The following FGF12 variants were observed in gnomAD, a reference collection of about 807,000 sequenced individuals.
The protein encoded by FGF12 is fibroblast growth factor 12B.
A neutral mutation model predicts 23.6 loss-of-function variants in FGF12; 14 were observed. The ratio of observed to expected loss-of-function variants is 0.59; its 90% confidence interval spans 0.39 to 0.93. The LOEUF (loss-of-function observed/expected upper bound fraction) is 0.93. Among genes scored for constraint, FGF12 ranks in the 40% least tolerant of loss-of-function variants. FGF12 has a pLI of 0.00. For synonymous variants in FGF12, 62 were observed against 77.3 expected, an observed-to-expected ratio of 0.80 and a Z score of 1.04; for missense variants, 175 against 217.8, an observed-to-expected ratio of 0.80 and a Z score of 1.24.
intron 4 of FGF12, among the ~76,000 whole-genome samples, chr3:192,234,477 T>C (rs1433205494): frequency 6.6e-6 from 1 of 152,238 alleles, no homozygotes; most frequent in Non-Finnish European, 1.5e-5. Flanking sequence ...TCATATCATC[T>C]GCAAAGGGAG....
chr3:192,402,352 A>G (rs1007615590), intron 2 of FGF12, among the ~76,000 whole-genome samples: 1 of 152,238 alleles, frequency 6.6e-6, no homozygotes, highest in African/African-American at 2.4e-5. Flanking sequence ...AGCCCAGCAC[A>G]TAACAACATA....
chr3:192,455,296 C>T (rs777274840), intron 2 of FGF12, among the ~76,000 whole-genome samples: 6 of 152,132 alleles, frequency 3.9e-5, no homozygotes, highest in Non-Finnish European at 7.3e-5. Flanking sequence ...TCTGATGACT[C>T]TGTCACTCTA....
chr3:192,669,993 C>A (rs1717050886), intron 2 of FGF12, among the ~76,000 whole-genome samples: 1 of 152,166 alleles, frequency 6.6e-6, no homozygotes, highest in South Asian at 2.1e-4. Flanking sequence ...CTTTAAGAAA[C>A]AATCACTGGC....
intron 2 of FGF12, among the ~76,000 whole-genome samples, chr3:192,604,311 T>C (rs1055527024): frequency 1.3e-5 from 2 of 152,168 alleles, no homozygotes; most frequent in Non-Finnish European, 2.9e-5. Context: ...GTGACGTACA[T>C]CCTCAGCTTA....
chr3:192,162,949 CAAAAT>C (rs1188262173), intron 5 of FGF12, among the ~76,000 whole-genome samples: 8 of 151,890 alleles, frequency 5.3e-5, no homozygotes, highest in African/African-American at 1.9e-4. Context: ...TTTTCTAAGA[CAAAAT>C]GAAAAAGGCA....
At chr3:192,484,739 C>A (rs1723581827) in intron 2 of FGF12, among the ~76,000 whole-genome samples, 1 of 152,166 alleles carries the variant, frequency 6.6e-6, no homozygotes, top group South Asian at 2.1e-4. Flanking sequence ...GCCCAAAGGG[C>A]ACTATTTCCA....
At chr3:192,711,258 C>T (rs1045554375) in intron 2 of FGF12, among the ~76,000 whole-genome samples, 4 of 133,832 alleles carry the variant, frequency 3.0e-5, no homozygotes, top group African/African-American at 6.8e-5. Context: ...AGCCCCTGCC[C>T]GGCCAGCCGC....
intron 4 of FGF12, among the ~76,000 whole-genome samples, chr3:192,213,137 C>T (rs143652197): frequency 3.3e-5 from 5 of 152,348 alleles, no homozygotes; most frequent in South Asian, 2.1e-4. Context: ...GGCAAGAAAA[C>T]GCTGTGTGCT....
At chr3:192,707,744 C>A (rs1321116646) in intron 2 of FGF12, among the ~76,000 whole-genome samples, 357 of 84,496 alleles carry the variant, frequency 4.2e-3, no homozygotes, top group Admixed American at 6.8e-3. Flanking sequence ...GACTCCTTCT[C>A]AAAAAAAAAA....
chr3:192,653,207 A>G (rs538437398), intron 2 of FGF12, among the ~76,000 whole-genome samples: 1 of 152,308 alleles, frequency 6.6e-6, no homozygotes, highest in East Asian at 1.9e-4. Flanking sequence ...ACTGGTTGTA[A>G]TTCAGTTTGA....
At position 192,622,909 on chromosome 3, in the gene FGF12, G is replaced by C. The variant is rs565480211; in HGVS notation, c.13+104272C>G. 3.3e-5 allele frequency among the ~76,000 whole-genome samples: 5 copies of C among 152,222 alleles called. No individual in the cohort carries two copies. In the South Asian group the frequency reaches 1.0e-3, roughly 32 times the overall value. ...TGGCGTCTTCTCTCCTAGATCCAGG[G>C]ACCACAGAACAATCTTTCTGGATTA... is the stretch of plus-strand genomic sequence containing the variant. On this transcript the variant is annotated intron_variant, in intron 2 of 5. Coordinates refer to ENST00000445105, the MANE Select transcript of FGF12 (RefSeq NM_004113.6).
In FGF12 at chr3:192,727,243, T is replaced by C; in HGVS notation, c.-50A>G. 1 of 1,564,972 alleles carries C rather than the reference T, an allele frequency of 6.4e-7. No individual in the cohort carries two copies. Reference sequence around the variant, plus strand: ...AGTTCAATGGAAGTTGGCCGGAAGATGTGGGCCCGCTTCAGATTCCCAAAT... The same window carrying C: ...AGTTCAATGGAAGTTGGCCGGAAGACGTGGGCCCGCTTCAGATTCCCAAAT... On this transcript the variant is annotated 5_prime_UTR_variant, in exon 2 of 6. Coordinates refer to ENST00000445105, the MANE Select transcript of FGF12 (RefSeq NM_004113.6).
chr3:192,376,212 A>G (rs1472705633), intron 2 of FGF12, among the ~76,000 whole-genome samples: 1 of 152,012 alleles, frequency 6.6e-6, no homozygotes, highest in Non-Finnish European at 1.5e-5. Flanking sequence ...AATCTCTCAG[A>G]AGAATTGATT....
chr3:192,703,044 T>A (rs1167608159), intron 2 of FGF12, among the ~76,000 whole-genome samples: 2 of 152,210 alleles, frequency 1.3e-5, no homozygotes. Flanking sequence ...AAACGGTACA[T>A]AAGAAACACT....
intron 2 of FGF12, among the ~76,000 whole-genome samples, chr3:192,411,340 G>A (rs928859858): frequency 1.3e-5 from 2 of 152,204 alleles, no homozygotes; most frequent in African/African-American, 4.8e-5. Context: ...CAAACAGCTG[G>A]GAGGAGGATT....
chr3:192,493,571 T>C (rs1294716021), intron 2 of FGF12, among the ~76,000 whole-genome samples: 3 of 152,138 alleles, frequency 2.0e-5, no homozygotes, highest in Non-Finnish European at 4.4e-5. Context: ...AGTGGTTTAA[T>C]TGGCTCACAG....
chr3:192,532,928 A>G (rs1344662975), intron 2 of FGF12, among the ~76,000 whole-genome samples: 1 of 152,190 alleles, frequency 6.6e-6, no homozygotes, highest in South Asian at 2.1e-4. Context: ...AGCTGCAGAC[A>G]TGATCTAGAA....
chr3:192,233,081 G>T (rs1019680053), intron 4 of FGF12, among the ~76,000 whole-genome samples: 1 of 152,180 alleles, frequency 6.6e-6, no homozygotes, highest in African/African-American at 2.4e-5. Flanking sequence ...TAAAGGGATT[G>T]CTGGGTTCAA....
At chr3:192,448,643 C>G (rs1722431592) in intron 2 of FGF12, among the ~76,000 whole-genome samples, 3 of 152,154 alleles carry the variant, frequency 2.0e-5, no homozygotes, top group Admixed American at 1.3e-4. Context: ...AAACCTGGAA[C>G]TGATTCCTGG....
Sources: gnomAD v4.1 joint callset for allele counts (sites outside exome capture counted in the v4.1 genomes callset) on GRCh38, gnomAD v4.1.1 for gene constraint, MANE v1.5 for transcripts, NCBI Gene and HGNC (gene_info 2026-07-23, HGNC 2026-07-21) for gene names.